PNPLA2: variants seen among roughly 807,000 people sequenced by gnomAD.
The protein encoded by PNPLA2 is patatin-like phospholipase domain-containing protein 2.
A neutral mutation model predicts 39.7 loss-of-function variants in PNPLA2; 28 were observed. The ratio of observed to expected loss-of-function variants is 0.70; its 90% CI spans 0.52 to 0.97. The LOEUF (loss-of-function observed/expected upper bound fraction) is 0.97. Ranked by LOEUF, PNPLA2 falls within the 50% of genes least tolerant of loss-of-function variation. The pLI, the probability that PNPLA2 is intolerant of heterozygous loss-of-function variation, is 0.00. For missense variants in PNPLA2, 768 were observed against 698.2 expected, an observed-to-expected ratio of 1.10 and a Z score of -1.13; for synonymous variants, 392 against 321.1, an observed-to-expected ratio of 1.22 and a Z score of -2.36.
Position 821,702 on chromosome 11 carries a change from T to C in PNPLA2, c.262T>C (p.Phe88Leu). The C allele has an allele frequency of 6.2e-7, 1 of 1,613,968 alleles. No individual in the cohort carries two copies. Among genetic ancestry groups the C allele is most frequent in the Non-Finnish European group, 8.5e-7 (1 of 1,180,012 alleles). ...KRFLGPLHPS[F>L]NLVKIIRSFL... ...GTTCCTGGGCCCCCTGCACCCCTCCTTCAACCTGGTAAAGATCATCCGCAG... is the reference window on the plus strand; with the variant it reads ...GTTCCTGGGCCCCCTGCACCCCTCCCTCAACCTGGTAAAGATCATCCGCAG... Residue 88 changes from phenylalanine (F) to leucine (L), a missense_variant, in exon 3 of 10, where the codon TTC becomes CTC. By Grantham distance (22) the Phe-to-Leu change is conservative (BLOSUM62 0). Transcript: ENST00000336615.
chr11:822,020 G>A lies in PNPLA2; in HGVS notation c.483G>A (p.Gly161=). 6.2e-7 allele frequency: 1 copy of A among 1,613,554 alleles called. No individual in the cohort carries two copies. The highest frequency in any genetic ancestry group is 8.5e-7 in the Non-Finnish European group (1 of 1,179,730). The change falls in exon 4 of 10, where the codon GGG becomes GGA. Residue 161 remains glycine, a synonymous_variant. Transcript: ENST00000336615. Reference sequence around the variant, plus strand: ...GGCTCATCCCTCCCTCCCTCCAGGGGGTGGTGAGTATTCCTAGCCCTGGAC... The same window carrying A: ...GGCTCATCCCTCCCTCCCTCCAGGGAGTGGTGAGTATTCCTAGCCCTGGAC... The part of the protein sequence containing the change: ...YCGLIPPSLQ[G]VRYVDGGISD...
rs369494954 is a variant in PNPLA2 at position 821,604 on chromosome 11, C to T, written c.188-24C>T. On this transcript the variant is annotated intron_variant, in intron 2 of 9. Transcript: ENST00000336615. ...GTTGCTAAGCCCAGGAGCATGGGCCCCTAACCTTGGCCCTGTGCCCCAGGT... is the reference window on the plus strand; with the variant it reads ...GTTGCTAAGCCCAGGAGCATGGGCCTCTAACCTTGGCCCTGTGCCCCAGGT... 7.0e-6 allele frequency: 11 copies of T among 1,564,308 alleles called. No homozygotes were observed. In the African/African-American group the frequency reaches 1.4e-4, roughly 19 times the overall value.
At chr11:823,151 G>A (rs1233999489) in intron 5 of PNPLA2, among the ~76,000 whole-genome samples, 2 of 150,048 alleles carry the variant, frequency 1.3e-5, no homozygotes, top group East Asian at 1.9e-4. Flanking sequence ...TCCACCTCCC[G>A]GGTTCCTGCC....
At position 821,724 on chromosome 11, in the gene PNPLA2, G is replaced by A. The variant is rs1845669885; in HGVS notation, c.284G>A (p.Arg95His). Residue 95 changes from arginine (R) to histidine (H), a missense_variant, in exon 3 of 10, where the codon CGC (arginine) becomes CAC (histidine). Transcript: ENST00000336615. ...TCCTTCAACCTGGTAAAGATCATCC[G>A]CAGTTTCCTGCTGAAGGTCCTGCCT... ...HPSFNLVKIIRSFLLKVLPAD... is the reference protein window; with the variant it reads ...HPSFNLVKIIHSFLLKVLPAD... The A allele has an allele frequency of 5.6e-6, 9 of 1,613,962 alleles. No individual in the cohort carries two copies. Among genetic ancestry groups the A allele is most frequent in the African/African-American group, 4.0e-5 (3 of 75,030 alleles).
chr11:821,314 G>A (rs1018192814), intron 2 of PNPLA2: 8 of 475,546 alleles, frequency 1.7e-5, no homozygotes, highest in Non-Finnish European at 2.3e-5. Flanking sequence ...GTGGGTGAAG[G>A]CTAAGGCCGG....
chr11:824,082 T>TG lies in PNPLA2; in HGVS notation c.1006dup (p.Val336GlyfsTer216), dbSNP rs765926933. On this transcript the variant is annotated frameshift_variant, in exon 8 of 10. Transcript: ENST00000336615. LOFTEE classifies it high-confidence loss of function. Reference sequence around the variant, plus strand: ...CCTGTGCGTCTGGCCACGGCCATGATGGTGCCCTACACGCTGCCGCTGGAG... The same window carrying TG: ...CCTGTGCGTCTGGCCACGGCCATGATGGGTGCCCTACACGCTGCCGCTGGAG... The TG allele has an allele frequency of 6.2e-7, 1 of 1,607,470 alleles. No individual in the cohort carries two copies. Among genetic ancestry groups the TG allele is most frequent in the Non-Finnish European group, 8.5e-7 (1 of 1,178,132 alleles).
intron 6 of PNPLA2, 23 bp downstream of exon 6, chr11:823,610 G>A: frequency 1.9e-6 from 3 of 1,605,846 alleles, no homozygotes; most frequent in Non-Finnish European, 2.5e-6. Flanking sequence ...GGGCGGGAGA[G>A]GGCGGGGTGG....
Position 824,763 on chromosome 11 carries a change from G to C in PNPLA2, c.1416G>C (p.Ala472=). The change falls in exon 10 of 10, where the codon GCG becomes GCC. Residue 472 remains alanine, a synonymous_variant. Transcript: ENST00000336615. ...CCGCCGACCCGGCTCCCGCCCCCGCGGACCCAGCATCCCCGCAGCACCAGC... is the reference window on the plus strand; with the variant it reads ...CCGCCGACCCGGCTCCCGCCCCCGCCGACCCAGCATCCCCGCAGCACCAGC... The part of the protein sequence containing the change: ...RAPADPAPAP[A]DPASPQHQLA... 1.3e-6 allele frequency: 2 copies of C among 1,555,250 alleles called. No homozygotes were observed. The highest frequency in any genetic ancestry group is 1.7e-6 in the Non-Finnish European group (2 of 1,157,466).
rs1401719487 is a variant in PNPLA2 at position 820,160 on chromosome 11, A to G, written c.187+255A>G. Among the ~76,000 whole-genome samples the G allele has an allele frequency of 6.6e-5, 10 of 152,362 alleles. No homozygotes were observed. The East Asian group carries it at 1.9e-3, about 29-fold the overall frequency. ...AGGTTTGGGGGCGGGCAGGTGCAGC[A>G]AAAGCTGCTTAATTGGACAGAAAAA... On this transcript the variant is annotated intron_variant, in intron 2 of 9. Transcript: ENST00000336615.
chr11:819,420 G>A (rs1565084699), intron 1 of PNPLA2, 154 bp from the exon 2 acceptor site: 1 of 973,556 alleles, frequency 1.0e-6, no homozygotes, highest in South Asian at 4.7e-5. Context: ...GGCAGCGGAG[G>A]GCGGGGCTCC....
At position 823,689 on chromosome 11, in the gene PNPLA2, C is replaced by T; in HGVS notation, c.758-5C>T. The T allele has an allele frequency of 6.2e-7, 1 of 1,606,054 alleles. No individual in the cohort carries two copies. The highest frequency in any genetic ancestry group is 8.5e-7 in the Non-Finnish European group (1 of 1,176,860). On this transcript the variant is annotated splice_polypyrimidine_tract_variant and splice_region_variant and intron_variant, in intron 6 of 9. Coordinates refer to ENST00000336615, the MANE Select transcript of PNPLA2 (RefSeq NM_020376.4). ...ACTGAGAATCCCTTCTCTCCCCAAC[C>T]CCAGGCCTCCTGAACCGGCCCAACC...
chr11:823,646 C>T, intron 6 of PNPLA2, 48 bp from the exon 7 acceptor site: 1 of 1,599,488 alleles, frequency 6.3e-7, no homozygotes, highest in Non-Finnish European at 8.5e-7. Context: ...CCCCTGCGGG[C>T]CGCGGCCGCG....
chr11:821,448 C>G (rs1481322742), intron 2 of PNPLA2, 180 bp from the exon 3 acceptor site: 16 of 640,668 alleles, frequency 2.5e-5, no homozygotes, highest in Non-Finnish European at 4.2e-5. Flanking sequence ...AGCTGGCCAG[C>G]CTCTGCTGTC....
In PNPLA2 at chr11:823,675, C is replaced by T. The variant is rs773750239; in HGVS notation, c.758-19C>T. ...GGCCGCGCTGATGAACTGAGAATCC[C>T]TTCTCTCCCCAACCCCAGGCCTCCT... On this transcript the variant is annotated intron_variant, in intron 6 of 9. Coordinates refer to ENST00000336615, the MANE Select transcript of PNPLA2 (RefSeq NM_020376.4). 6.9e-6 allele frequency: 11 copies of T among 1,604,960 alleles called. No individual in the cohort carries two copies. Among genetic ancestry groups the T allele is most frequent in the Middle Eastern group, 1.7e-4 (1 of 6,052 alleles).
In PNPLA2 at chr11:822,430, C is replaced by T. The variant is rs766504816; in HGVS notation, c.520C>T (p.Pro174Ser). Reference protein sequence around the residue: ...YVDGGISDNLPLYELKNTITV... With the variant: ...YVDGGISDNLSLYELKNTITV... The stretch of plus-strand genomic sequence containing the variant: ...GGATGGTGGCATTTCAGACAACCTG[C>T]CACTCTATGAGCTTAAGAACACCAT... The change falls in exon 5 of 10, where the codon CCA becomes TCA. Residue 174 changes from proline to serine, a missense_variant. Transcript: ENST00000336615. The T allele has an allele frequency of 4.3e-6, 7 of 1,614,068 alleles. No individual in the cohort carries two copies. The highest frequency in any genetic ancestry group is 1.7e-5 in the Admixed American group (1 of 60,028).
Position 825,008 on chromosome 11 carries a change from G to T in PNPLA2, c.*146G>T, listed in dbSNP as rs749650137. ...CCAGCTGCATGCACTGAGAGGGGAGGTTTCCACACCCCTCCCCTGGGCCGC... is the reference window on the plus strand; with the variant it reads ...CCAGCTGCATGCACTGAGAGGGGAGTTTTCCACACCCCTCCCCTGGGCCGC... On this transcript the variant is annotated 3_prime_UTR_variant, in exon 10 of 10. Coordinates refer to ENST00000336615, the MANE Select transcript of PNPLA2 (RefSeq NM_020376.4). 1.2e-5 allele frequency: 9 copies of T among 740,448 alleles called. 1 individual carries two copies. In the South Asian group the frequency reaches 1.4e-4, roughly 11 times the overall value. The allele number at this position is 740,448 out of a possible 1,614,324, so 45.9% of individuals were successfully genotyped here.
In PNPLA2 at chr11:824,736, A is replaced by ACCCGCCGACCCGGCTCCCGCC; in HGVS notation, c.1395_1415dup (p.Pro469_Ala475dup). 6.5e-7 allele frequency: 1 copy of ACCCGCCGACCCGGCTCCCGCC among 1,546,072 alleles called. No homozygotes were observed. On this transcript the variant is annotated inframe_insertion, in exon 10 of 10. Coordinates refer to ENST00000336615, the MANE Select transcript of PNPLA2 (RefSeq NM_020376.4). ...CGCCCGAAGCTCTGCGCATGCGCGCACCCGCCGACCCGGCTCCCGCCCCCG... is the reference window on the plus strand; with the variant it reads ...CGCCCGAAGCTCTGCGCATGCGCGCACCCGCCGACCCGGCTCCCGCCCCCGCCGACCCGGCTCCCGCCCCCG...
In PNPLA2 at chr11:822,400, T is replaced by C. The variant is rs1409540354; in HGVS notation, c.490T>C (p.Tyr164His). 6.2e-7 allele frequency: 1 copy of C among 1,613,684 alleles called. No individual in the cohort carries two copies. Among genetic ancestry groups the C allele is most frequent in the Non-Finnish European group, 8.5e-7 (1 of 1,179,786 alleles). The change falls in exon 5 of 10, where the codon TAC becomes CAC. Residue 164 changes from tyrosine to histidine, a missense_variant. Physicochemically the swap from Tyr to His is moderately conservative, Grantham distance 83 (BLOSUM62 2). Coordinates refer to ENST00000336615, the MANE Select transcript of PNPLA2 (RefSeq NM_020376.4). Reference sequence around the variant, plus strand: ...CTGTCTGTGTGTCCCGTGGAAGCGCTACGTGGATGGTGGCATTTCAGACAA... The same window carrying C: ...CTGTCTGTGTGTCCCGTGGAAGCGCCACGTGGATGGTGGCATTTCAGACAA... ...LIPPSLQGVR[Y>H]VDGGISDNLP...
At chr11:821,256 A>C in intron 2 of PNPLA2, 1 of 338,918 alleles carries the variant, frequency 3.0e-6, no homozygotes, top group African/African-American at 2.1e-5. Context: ...GTGTGCCGGG[A>C]TGGGTTTTGT....
Sources: allele counts gnomAD v4.1 joint callset (sites outside exome capture counted in the v4.1 genomes callset), GRCh38; gene constraint gnomAD v4.1.1; transcripts MANE v1.5; gene names NCBI Gene and HGNC (gene_info 2026-07-23, HGNC 2026-07-21).